PLB1: variants seen among roughly 807,000 people sequenced by gnomAD.
The protein encoded by PLB1 is phospholipase B1, membrane-associated.
Under a neutral mutation model 227.4 loss-of-function variants are expected in PLB1, and 242 were observed. The observed-to-expected ratio is 1.06, with a 90% CI of 0.96 to 1.18. The LOEUF is 1.18. PLB1 is among the 50% of genes most tolerant of loss of function. The probability of loss-of-function intolerance (pLI) is 0.00; values close to 1 mark genes in which losing one functional copy is unlikely to be tolerated. For synonymous variants in PLB1, 757 were observed against 682.2 expected (o/e 1.11, Z -1.71); for missense variants, 1,858 against 1,816.3 (o/e 1.02, Z -0.42).
At chr2:28,636,001 A>ATGAATGTG (rs1689262194) in intron 56 of PLB1, among the ~76,000 whole-genome samples, 2 of 148,002 alleles carry the variant, frequency 1.4e-5, no homozygotes, top group Non-Finnish European at 3.0e-5. Flanking sequence ...GTGTGTATGT[A>ATGAATGTG]TGTGTATGTA....
intron 33 of PLB1, chr2:28,594,578 G>T (rs1290867294): frequency 1.7e-5 from 2 of 119,824 alleles, no homozygotes; most frequent in African/African-American, 5.5e-5. Context: ...GGAGCAGGGA[G>T]GGGGTGATCA....
At position 28,625,672 on chromosome 2, in the gene PLB1, G is replaced by A. The variant is rs139812843; in HGVS notation, c.3579+564G>A. On this transcript the variant is annotated intron_variant, in intron 50 of 57. Transcript: ENST00000327757. ...GCTCTTCCTCCAGTCTCCTTCCCCC[G>A]ACCCTAAGAACTCATCCCAGGGGCA... Among the ~76,000 whole-genome samples, 245 of 151,976 alleles carry A rather than the reference G, an allele frequency of 1.6e-3. 1 individual carries two copies. The highest frequency in any genetic ancestry group is 5.5e-3 in the African/African-American group (230 of 41,474).
rs186489170 is a variant in PLB1, at chr2:28,618,498, G to A, written c.3315+99G>A. ...CAGCATTGGCTCCGCTTTCAGTGCT[G>A]AGCCCGTGTTACTGAGGGCCTACCC... On this transcript the variant is annotated intron_variant, in intron 46 of 57. Transcript: ENST00000327757. The A allele has an allele frequency of 1.7e-4, 216 of 1,293,382 alleles. No individual in the cohort carries two copies. The African/African-American group carries it at 2.8e-3, about 17-fold the overall frequency. The allele number at this position is 1,293,382 out of a possible 1,614,324, so 80.1% of individuals were successfully genotyped here. A position where few individuals can be genotyped will look rare whatever the true frequency, so the allele number is the denominator to read the frequency against.
intron 44 of PLB1, among the ~76,000 whole-genome samples, chr2:28,616,646 T>C (rs925244839): frequency 1.3e-5 from 2 of 152,252 alleles, no homozygotes; most frequent in Non-Finnish European, 2.9e-5. Flanking sequence ...CATGTGCTGA[T>C]GGCTGAATAA....
In PLB1 at chr2:28,525,287, C is replaced by G. The variant is rs556053112; in HGVS notation, c.264C>G (p.Gly88=). The G allele has an allele frequency of 6.2e-7, 1 of 1,613,510 alleles. No homozygotes were observed. The highest frequency in any genetic ancestry group is 8.5e-7 in the Non-Finnish European group (1 of 1,179,908). Reference sequence around the variant, plus strand: ...TCCAGCCTCCAGACCCAGGGACGGGCGATCTGGAGAAGCAAGACTGGTAAC... The same window carrying G: ...TCCAGCCTCCAGACCCAGGGACGGGGGATCTGGAGAAGCAAGACTGGTAAC... ...NLEIPPDPGT[G]DLEKQDWTER... is the part of the protein sequence containing the mutation. Residue 88 remains glycine (G), a synonymous_variant, in exon 5 of 58, where the codon GGC becomes GGG. Coordinates refer to ENST00000327757, the MANE Select transcript of PLB1 (RefSeq NM_153021.5).
chr2:28,581,235 C>G (rs1171815139), intron 23 of PLB1, among the ~76,000 whole-genome samples: 2 of 152,090 alleles, frequency 1.3e-5, no homozygotes, highest in Non-Finnish European at 1.5e-5. Flanking sequence ...ACAGGACGCT[C>G]TTCCCCTCTT....
chr2:28,637,978 TC>T (rs1413755025), intron 56 of PLB1, among the ~76,000 whole-genome samples: 1 of 152,068 alleles, frequency 6.6e-6, no homozygotes, highest in Non-Finnish European at 1.5e-5. Flanking sequence ...CTCCAAGCCT[TC>T]CCCCGCCAAG....
At chr2:28,565,467 T>C (rs1351664672) in intron 19 of PLB1, 114 bp downstream of exon 19, 6 of 889,544 alleles carry the variant, frequency 6.7e-6, no homozygotes, top group Admixed American at 2.7e-5. Flanking sequence ...TTTTGTTCTT[T>C]TCTATGACCA....
rs780793180 is a variant in PLB1 at position 28,591,652 on chromosome 2, C to A, written c.2128-48C>A. On this transcript the variant is annotated intron_variant, in intron 30 of 57. Transcript: ENST00000327757. ...GGGGTACATCTGATAGCCAGTTTTTCTGGTCCCTTTCAACCCTGAGATTCT... is the reference window on the plus strand; with the variant it reads ...GGGGTACATCTGATAGCCAGTTTTTATGGTCCCTTTCAACCCTGAGATTCT... The A allele has an allele frequency of 2.5e-6, 4 of 1,588,104 alleles. No homozygotes were observed. The South Asian group carries it at 3.3e-5, about 13-fold the overall frequency.
intron 14 of PLB1, among the ~76,000 whole-genome samples, chr2:28,546,258 C>T (rs147162812): frequency 2.6e-5 from 4 of 152,284 alleles, no homozygotes; most frequent in Non-Finnish European, 5.9e-5. Flanking sequence ...GTACATCAGT[C>T]GTTTTGAAGG....
chr2:28,583,915 G>T (rs1460749715), intron 25 of PLB1, among the ~76,000 whole-genome samples: 2 of 152,096 alleles, frequency 1.3e-5, no homozygotes, highest in Non-Finnish European at 2.9e-5. Flanking sequence ...GGGAGACCCA[G>T]CCTGTATCAC....
At chr2:28,620,855 T>C (rs780837996) in intron 48 of PLB1, 24 bp from the exon 49 acceptor site, 12 of 1,595,474 alleles carry the variant, frequency 7.5e-6, no homozygotes, top group Admixed American at 3.3e-5. Context: ...CCTGTGCTCT[T>C]CTCCTCCTCC....
intron 17 of PLB1, among the ~76,000 whole-genome samples, chr2:28,555,863 C>CT (rs57277349): frequency 0.27 from 34,189 of 128,102 alleles, 4,979 homozygotes; most frequent in African/African-American, 0.32. Context: ...AGTTACTTTC[C>CT]TTTTTTTTTT....
rs115286725 is a variant in PLB1, at chr2:28,607,141, A to G, written c.3129+574A>G. 6.2e-3 allele frequency among the ~76,000 whole-genome samples: 951 copies of G among 152,226 alleles called. 8 individuals are homozygous for G. The highest frequency in any genetic ancestry group is 0.021 in the African/African-American group (890 of 41,552). On this transcript the variant is annotated intron_variant, in intron 43 of 57. Transcript: ENST00000327757. ...AGGAGGAATCCGTAAGTGGTTGTTAAGCTTGACTTCAGGCCTGGGGTGGGG... is the reference window on the plus strand; with the variant it reads ...AGGAGGAATCCGTAAGTGGTTGTTAGGCTTGACTTCAGGCCTGGGGTGGGG...
chr2:28,594,122 A>C, intron 33 of PLB1: 1 of 541,630 alleles, frequency 1.8e-6, no homozygotes, highest in Admixed American at 2.1e-5. Context: ...TACTGTCTTT[A>C]TGTGTTTATT....
At chr2:28,521,414 A>G (rs1382350561) in intron 4 of PLB1, among the ~76,000 whole-genome samples, 1 of 152,150 alleles carries the variant, frequency 6.6e-6, no homozygotes, top group African/African-American at 2.4e-5. Flanking sequence ...CAAGGGTTCT[A>G]ATTTCTCCAC....
At chr2:28,642,315 C>T (rs1258311580) in intron 57 of PLB1, among the ~76,000 whole-genome samples, 2 of 149,910 alleles carry the variant, frequency 1.3e-5, no homozygotes, top group African/African-American at 5.0e-5. Flanking sequence ...GGGCTAAACA[C>T]AGCACGTGCC....
intron 1 of PLB1, among the ~76,000 whole-genome samples, chr2:28,510,005 T>C (rs2148165504): frequency 6.6e-6 from 1 of 152,272 alleles, no homozygotes; most frequent in East Asian, 1.9e-4. Flanking sequence ...GAACGCTTTA[T>C]TGTGACACCC....
At chr2:28,593,510 A>C (rs577112843) in intron 32 of PLB1, among the ~76,000 whole-genome samples, 171 bp from the exon 33 acceptor site, 4 of 152,318 alleles carry the variant, frequency 2.6e-5, no homozygotes, top group Admixed American at 2.6e-4. Flanking sequence ...TGGGGAAGGC[A>C]CACAGCTGGA....
Sources: allele counts gnomAD v4.1 joint callset (sites outside exome capture counted in the v4.1 genomes callset), GRCh38; gene constraint gnomAD v4.1.1; transcripts MANE v1.5; gene names NCBI Gene and HGNC (gene_info 2026-07-23, HGNC 2026-07-21).